The following ADD1 variants were observed in gnomAD, a reference collection of about 807,000 sequenced individuals.
ADD1 encodes alpha-adducin.
Under a neutral mutation model 80.5 loss-of-function variants are expected in ADD1, and 24 were observed. The ratio of observed to expected loss-of-function variants is 0.30; its 90% CI spans 0.22 to 0.42. The LOEUF (loss-of-function observed/expected upper bound fraction) is 0.42. Ranked by LOEUF, ADD1 falls within the 10% of genes least tolerant of loss-of-function variation. The pLI is 1.00. For synonymous variants in ADD1, 373 were observed against 393.8 expected, an observed-to-expected ratio of 0.95 and a Z score of 0.63; for missense variants, 948 against 1,019.0, an observed-to-expected ratio of 0.93 and a Z score of 0.95.
At chr4:2,909,053 A>G (rs1737553251) in intron 12 of ADD1, 1 of 496,546 alleles carries the variant, frequency 2.0e-6, no homozygotes, top group African/African-American at 1.9e-5. Flanking sequence ...AAATGACTCT[A>G]CCTTGTGGCA....
chr4:2,899,548 C>T (rs1240328129), intron 9 of ADD1, 113 bp downstream of exon 9: 1 of 1,168,250 alleles, frequency 8.6e-7, no homozygotes, highest in Non-Finnish European at 1.3e-6. Context: ...AATACCTTCA[C>T]CTTCAAAGTC....
intron 4 of ADD1, among the ~76,000 whole-genome samples, chr4:2,891,300 G>T (rs1361281834): frequency 6.6e-6 from 1 of 152,056 alleles, no homozygotes; most frequent in South Asian, 2.1e-4. Context: ...TAAAAATACA[G>T]AAATTAGCTG....
intron 2 of ADD1, among the ~76,000 whole-genome samples, chr4:2,876,875 G>A (rs905306884): frequency 3.3e-5 from 5 of 151,910 alleles, no homozygotes; most frequent in African/African-American, 9.7e-5. Flanking sequence ...AGTGGCGCAT[G>A]CCTGTAATCC....
At chr4:2,874,588 CAGAGTG>C (rs1730967040) in intron 1 of ADD1, among the ~76,000 whole-genome samples, 1 of 144,940 alleles carries the variant, frequency 6.9e-6, no homozygotes, top group African/African-American at 2.6e-5. Flanking sequence ...GAATGAGCGA[CAGAGTG>C]AGACTGTCTC....
intron 1 of ADD1, among the ~76,000 whole-genome samples, chr4:2,858,449 G>T (rs1728387647): frequency 6.6e-6 from 1 of 152,204 alleles, no homozygotes; most frequent in Non-Finnish European, 1.5e-5. Context: ...AGTGAACTGG[G>T]ATCAGAACCT....
intron 1 of ADD1, chr4:2,844,797 A>G (rs961078217): frequency 1.3e-5 from 2 of 152,264 alleles, no homozygotes; most frequent in Admixed American, 6.5e-5. Context: ...CATATCTCCA[A>G]AGACCAAAGA....
At chr4:2,916,308 G>A (rs1453420908) in intron 14 of ADD1, among the ~76,000 whole-genome samples, 2 of 151,770 alleles carry the variant, frequency 1.3e-5, no homozygotes, top group Non-Finnish European at 2.9e-5. Flanking sequence ...CAATTCTCCT[G>A]CCTCAGCCTC....
At chr4:2,890,113 G>A (rs1734054567) in intron 4 of ADD1, among the ~76,000 whole-genome samples, 1 of 150,322 alleles carries the variant, frequency 6.7e-6, no homozygotes, top group Non-Finnish European at 1.5e-5. Context: ...GGAATCACTT[G>A]AACTTGGGAG....
intron 14 of ADD1, 102 bp downstream of exon 14, chr4:2,915,142 T>TC (rs1738779704): frequency 7.9e-7 from 1 of 1,271,842 alleles, no homozygotes; most frequent in African/African-American, 1.5e-5. Context: ...ATAAGAATAG[T>TC]CACATGCATC....
chr4:2,862,729 G>A (rs1370467370), intron 1 of ADD1, among the ~76,000 whole-genome samples: 2 of 152,222 alleles, frequency 1.3e-5, no homozygotes, highest in East Asian at 1.9e-4. Context: ...AGCACTTGTC[G>A]CCTTCTAACA....
intron 4 of ADD1, among the ~76,000 whole-genome samples, chr4:2,885,675 T>C (rs1036733421): frequency 2.0e-5 from 3 of 151,894 alleles, no homozygotes; most frequent in African/African-American, 7.3e-5. Context: ...AGTGGTGCAA[T>C]CTCGGCTCAC....
At chr4:2,905,868 T>C (rs925035693) in intron 10 of ADD1, 8 of 152,396 alleles carry the variant, frequency 5.2e-5, no homozygotes, top group Admixed American at 4.6e-4. Flanking sequence ...TGAGACCTCC[T>C]CTGAAGATGG....
At chr4:2,856,575 G>T (rs1053451771) in intron 1 of ADD1, among the ~76,000 whole-genome samples, 15 of 145,308 alleles carry the variant, frequency 1.0e-4, no homozygotes, top group African/African-American at 3.8e-4. Context: ...CAAGTAAATG[G>T]TTACTAGAGT....
At chr4:2,893,957 G>C in intron 4 of ADD1, 56 bp from the exon 5 acceptor site, 1 of 1,489,282 alleles carries the variant, frequency 6.7e-7, no homozygotes, top group Non-Finnish European at 9.4e-7. Flanking sequence ...TAGCCTGAAA[G>C]AGATGCAAAT....
rs753543880 is a variant in ADD1, at chr4:2,911,369, C to T, written c.1791+1938C>T. Among the ~76,000 whole-genome samples the T allele has an allele frequency of 4.6e-5, 7 of 151,804 alleles. No homozygotes were observed. In the South Asian group the frequency reaches 6.2e-4, roughly 14 times the overall value. On this transcript the variant is annotated intron_variant, in intron 13 of 15. Transcript: ENST00000683351. Reference sequence around the variant, plus strand: ...AGTAATCACAGTTCAAACAGGAGTTCGCAGCCCAGCCGAAGGCTGTGTTGA... The same window carrying T: ...AGTAATCACAGTTCAAACAGGAGTTTGCAGCCCAGCCGAAGGCTGTGTTGA...
At chr4:2,924,288 G>T (rs1454939867) in intron 14 of ADD1, among the ~76,000 whole-genome samples, 9 of 152,230 alleles carry the variant, frequency 5.9e-5, no homozygotes, top group Non-Finnish European at 2.9e-5. Flanking sequence ...AGAGAAGCAG[G>T]TCTCCAAAGC....
At chr4:2,859,197 AGAGATAAC>A (rs1314987882) in intron 1 of ADD1, among the ~76,000 whole-genome samples, 1 of 152,254 alleles carries the variant, frequency 6.6e-6, no homozygotes, top group Non-Finnish European at 1.5e-5. Flanking sequence ...AATGTTTATC[AGAGATAAC>A]GCCTTAACAT....
intron 4 of ADD1, among the ~76,000 whole-genome samples, chr4:2,892,903 T>A (rs1263686860): frequency 3.3e-5 from 5 of 151,984 alleles, no homozygotes; most frequent in African/African-American, 2.4e-5. Flanking sequence ...TTAATTATTT[T>A]TTTATTTTTT....
intron 15 of ADD1, 89 bp from the exon 16 acceptor site, chr4:2,928,082 C>A: frequency 8.8e-7 from 1 of 1,136,974 alleles, no homozygotes; most frequent in Non-Finnish European, 1.3e-6. Context: ...AATAAAATGG[C>A]AGTTTCGTGT....
Sources: gnomAD v4.1 joint callset for allele counts (sites outside exome capture counted in the v4.1 genomes callset) on GRCh38, gnomAD v4.1.1 for gene constraint, MANE v1.5 for transcripts, NCBI Gene and HGNC (gene_info 2026-07-23, HGNC 2026-07-21) for gene names.